The following TANGO6 variants were observed in gnomAD, a reference collection of about 807,000 sequenced individuals.
TANGO6 encodes the protein transport and Golgi organization protein 6 homolog.
Under a neutral mutation model 114.2 loss-of-function variants are expected in TANGO6, and 90 were observed. The observed-to-expected ratio is 0.79, with a 90% CI of 0.66 to 0.94. The LOEUF (loss-of-function observed/expected upper bound fraction) is 0.94, where lower values mean the gene tolerates loss of function less well. Ranked by LOEUF, TANGO6 falls within the 40% of genes least tolerant of loss-of-function variation. The probability of loss-of-function intolerance (pLI) is 0.00; values close to 1 mark genes in which losing one functional copy is unlikely to be tolerated. For missense variants in TANGO6, 1,274 were observed against 1,315.3 expected, an observed-to-expected ratio of 0.97 and a Z score of 0.49; for synonymous variants, 477 against 509.8, an observed-to-expected ratio of 0.94 and a Z score of 0.87.
At chr16:68,865,428 C>G (rs1004123707) in intron 3 of TANGO6, among the ~76,000 whole-genome samples, 1 of 152,120 alleles carries the variant, frequency 6.6e-6, no homozygotes, top group African/African-American at 2.4e-5. Context: ...AATATGCACT[C>G]ACTCTCAAAA....
At chr16:68,859,489 A>G (rs1442840565) in intron 1 of TANGO6, among the ~76,000 whole-genome samples, 2 of 152,212 alleles carry the variant, frequency 1.3e-5, no homozygotes, top group East Asian at 3.9e-4. Context: ...TGTTCTGTTC[A>G]GTGCTTTATC....
intron 11 of TANGO6, among the ~76,000 whole-genome samples, chr16:68,918,618 A>C (rs1159748730): frequency 6.6e-6 from 1 of 152,274 alleles, no homozygotes; most frequent in African/African-American, 2.4e-5. Context: ...AAAAGTATGA[A>C]TAGGCTTTCT....
intron 7 of TANGO6, 78 bp from the exon 8 acceptor site, chr16:68,900,356 C>A: frequency 2.7e-6 from 3 of 1,121,822 alleles, no homozygotes; most frequent in Non-Finnish European, 4.1e-6. Flanking sequence ...CTGAGCCCTG[C>A]TAGGTGTTTG....
At chr16:69,082,606 G>C (rs1038474285) in intron 17 of TANGO6, among the ~76,000 whole-genome samples, 1 of 152,120 alleles carries the variant, frequency 6.6e-6, no homozygotes. Flanking sequence ...TTAGCTGGGC[G>C]TGGTGGTGCG....
chr16:69,084,247 G>A lies in TANGO6; in HGVS notation c.*586G>A, dbSNP rs532761507. 47 of 152,400 alleles carry A rather than the reference G, an allele frequency of 3.1e-4. No individual in the cohort carries two copies. The highest frequency in any genetic ancestry group is 5.6e-4 in the Non-Finnish European group (38 of 68,084). The allele number at this position is 152,400 out of a possible 1,614,324, so 9.4% of individuals were successfully genotyped here. On this transcript the variant is annotated 3_prime_UTR_variant, in exon 18 of 18. Coordinates refer to ENST00000261778, the MANE Select transcript of TANGO6 (RefSeq NM_024562.2). ...GCTAAATCTGGTCCTCTGGTGTCGA[G>A]ATGGAAAACTGTGGAGTTGAAGAGG...
intron 16 of TANGO6, among the ~76,000 whole-genome samples, chr16:69,037,291 G>A (rs985173833): frequency 6.6e-6 from 1 of 152,114 alleles, no homozygotes; most frequent in South Asian, 2.1e-4. Flanking sequence ...AGCATGACCC[G>A]CTCAGCAAAG....
chr16:68,876,682 G>C (rs961824612), intron 5 of TANGO6, among the ~76,000 whole-genome samples: 1 of 152,022 alleles, frequency 6.6e-6, no homozygotes, highest in Non-Finnish European at 1.5e-5. Context: ...TTGGCCAAGC[G>C]TGGTGGTGCA....
In TANGO6 at chr16:68,875,258, C is replaced by G. The variant is rs374600049; in HGVS notation, c.1099C>G (p.Pro367Ala). 6.2e-6 allele frequency: 10 copies of G among 1,613,466 alleles called. No homozygotes were observed. The highest frequency in any genetic ancestry group is 1.6e-4 in the Middle Eastern group (1 of 6,070). Residue 367 changes from proline (P) to alanine (A), a missense_variant, in exon 5 of 18, where the codon CCA becomes GCA. This residue lies in a region of TANGO6 where 908 missense variants were observed against 910.2 expected (regional missense o/e 1.00). Transcript: ENST00000261778. ...CTCTTGTCCCCAGCAGTCTCTTTCA[C>G]CAGAGAATTACTACAGGGACATCTG... is the stretch of plus-strand genomic sequence containing the variant. The part of the protein sequence containing the change: ...LASCPQQSLS[P>A]ENYYRDICPQ...
intron 15 of TANGO6, among the ~76,000 whole-genome samples, chr16:68,991,305 A>T (rs1021083669): frequency 1.4e-4 from 21 of 152,174 alleles, no homozygotes; most frequent in Admixed American, 2.0e-4. Flanking sequence ...TGGCAGGGAC[A>T]TGAAGGATGC....
chr16:69,073,276 T>G (rs1960322975), intron 17 of TANGO6, among the ~76,000 whole-genome samples: 1 of 152,206 alleles, frequency 6.6e-6, no homozygotes, highest in African/African-American at 2.4e-5. Flanking sequence ...ACCCACTGGC[T>G]GGGAATAAAT....
intron 16 of TANGO6, 107 bp from the exon 17 acceptor site, chr16:69,040,201 G>T (rs1328100574): frequency 2.1e-6 from 2 of 937,856 alleles, no homozygotes; most frequent in African/African-American, 1.6e-5. Context: ...CCCTCTCTAA[G>T]CCAGATTGCT....
chr16:68,930,153 A>T (rs1963220631), intron 13 of TANGO6, 85 bp from the exon 14 acceptor site: 2 of 1,173,262 alleles, frequency 1.7e-6, no homozygotes, highest in Non-Finnish European at 1.2e-6. Context: ...CGAAGCATTT[A>T]CTCCTTTGAG....
chr16:69,017,901 C>CTTTTTT (rs1018228039), intron 15 of TANGO6, among the ~76,000 whole-genome samples: 3 of 137,216 alleles, frequency 2.2e-5, no homozygotes, highest in African/African-American at 5.3e-5. Flanking sequence ...AGTTGGAAAT[C>CTTTTTT]TTTTTTTTTT....
intron 15 of TANGO6, among the ~76,000 whole-genome samples, chr16:68,989,945 T>C (rs1031190363): frequency 1.2e-4 from 18 of 152,220 alleles, no homozygotes; most frequent in Non-Finnish European, 2.9e-5. Flanking sequence ...CCTGAATCTT[T>C]ATCTTATTCA....
At chr16:69,023,974 C>T (rs371202298) in intron 16 of TANGO6, among the ~76,000 whole-genome samples, 8 of 152,088 alleles carry the variant, frequency 5.3e-5, no homozygotes, top group East Asian at 3.9e-4. Flanking sequence ...GTGGCGCAAT[C>T]GTGGCTCACT....
intron 15 of TANGO6, among the ~76,000 whole-genome samples, chr16:69,013,529 A>G (rs1416594251): frequency 1.3e-5 from 2 of 151,658 alleles, no homozygotes; most frequent in East Asian, 3.9e-4. Flanking sequence ...AGGTAAAAGA[A>G]TCACTTGAAC....
chr16:68,992,065 A>G (rs945952506), intron 15 of TANGO6, among the ~76,000 whole-genome samples: 3 of 152,168 alleles, frequency 2.0e-5, no homozygotes, highest in African/African-American at 7.2e-5. Context: ...TCACAGAACT[A>G]TTGAGAGGCT....
chr16:69,053,415 T>C (rs1405413887), intron 17 of TANGO6, among the ~76,000 whole-genome samples: 1 of 152,220 alleles, frequency 6.6e-6, no homozygotes, highest in Non-Finnish European at 1.5e-5. Context: ...AAATGTTTCA[T>C]GTTTACATCT....
intron 1 of TANGO6, among the ~76,000 whole-genome samples, chr16:68,854,998 C>A (rs1961961757): frequency 1.3e-5 from 2 of 150,096 alleles, no homozygotes. Context: ...TGGACAATTG[C>A]CATCTTTTTT....
Sources: allele counts gnomAD v4.1 joint callset (sites outside exome capture counted in the v4.1 genomes callset), GRCh38; gene constraint gnomAD v4.1.1; regional missense constraint gnomAD v4.1.1; transcripts MANE v1.5; gene names NCBI Gene and HGNC (gene_info 2026-07-23, HGNC 2026-07-21).